Variants in MTA3 observed in about 807,000 individuals in gnomAD.
The protein encoded by MTA3 is metastasis-associated protein MTA3.
Under a neutral mutation model 83.5 loss-of-function variants are expected in MTA3, and 34 were observed. The observed-to-expected ratio is 0.41, with a 90% CI of 0.31 to 0.54. The LOEUF (loss-of-function observed/expected upper bound fraction) is 0.54. Among genes scored for constraint, MTA3 ranks in the 20% least tolerant of loss-of-function variants. The probability of loss-of-function intolerance (pLI) is 0.33; values close to 1 mark genes in which losing one functional copy is unlikely to be tolerated. For missense variants in MTA3, 761 were observed against 726.4 expected, an observed-to-expected ratio of 1.05 and a Z score of -0.55; for synonymous variants, 303 against 252.7, an observed-to-expected ratio of 1.20 and a Z score of -1.89.
At chr2:42,646,420 G>T (rs1399412302) in intron 6 of MTA3, among the ~76,000 whole-genome samples, 1 of 152,188 alleles carries the variant, frequency 6.6e-6, no homozygotes, top group African/African-American at 2.4e-5. Flanking sequence ...GATCTGAGTA[G>T]TCAATCGAAA....
At chr2:42,697,904 G>C in intron 11 of MTA3, 70 bp downstream of exon 11, 2 of 1,179,504 alleles carry the variant, frequency 1.7e-6, no homozygotes, top group Non-Finnish European at 1.2e-6. Context: ...ATGTCATTTT[G>C]TTCAGTTTCA....
At chr2:42,619,153 G>A (rs1685251903) in intron 4 of MTA3, among the ~76,000 whole-genome samples, 1 of 152,170 alleles carries the variant, frequency 6.6e-6, no homozygotes. Flanking sequence ...ACAGTTAAAG[G>A]CTGGGAAAAT....
chr2:42,736,514 C>G (rs1471493574), intron 16 of MTA3, among the ~76,000 whole-genome samples: 2 of 152,158 alleles, frequency 1.3e-5, no homozygotes, highest in Non-Finnish European at 2.9e-5. Context: ...ATCTTCCCTT[C>G]AGGGCAGTGA....
intron 2 of MTA3, among the ~76,000 whole-genome samples, chr2:42,554,915 C>G (rs1677304219): frequency 1.3e-5 from 2 of 152,258 alleles, no homozygotes; most frequent in East Asian, 1.9e-4. Flanking sequence ...GTTTGGGAGG[C>G]TGAGGCTTGA....
chr2:42,680,536 GA>G (rs1691783956), intron 8 of MTA3, among the ~76,000 whole-genome samples: 1 of 152,170 alleles, frequency 6.6e-6, no homozygotes, highest in Admixed American at 6.5e-5. Flanking sequence ...GAGGTGGGGA[GA>G]AAAACAGAAC....
At chr2:42,563,576 C>T (rs924499209) in intron 2 of MTA3, among the ~76,000 whole-genome samples, 2 of 152,118 alleles carry the variant, frequency 1.3e-5, no homozygotes, top group African/African-American at 4.8e-5. Context: ...ATGCCATTAT[C>T]CTGCCTCAGC....
chr2:42,630,107 C>G (rs556805533), intron 4 of MTA3, among the ~76,000 whole-genome samples: 1 of 152,250 alleles, frequency 6.6e-6, no homozygotes, highest in South Asian at 2.1e-4. Context: ...TAAATAAAAG[C>G]CTTATGATTC....
intron 2 of MTA3, among the ~76,000 whole-genome samples, chr2:42,524,283 A>G (rs921626163): frequency 7.2e-5 from 11 of 151,800 alleles, no homozygotes; most frequent in Non-Finnish European, 1.2e-4. Context: ...TTCAGCTTCA[A>G]TGGTTGCAAC....
intron 2 of MTA3, among the ~76,000 whole-genome samples, chr2:42,537,068 C>T (rs1286747989): frequency 6.6e-6 from 1 of 152,124 alleles, no homozygotes; most frequent in Non-Finnish European, 1.5e-5. Context: ...ACAGCCTTAA[C>T]CCTTAGTGTA....
intron 2 of MTA3, among the ~76,000 whole-genome samples, chr2:42,576,946 T>A (rs1034583658): frequency 1.3e-5 from 2 of 150,304 alleles, no homozygotes; most frequent in Non-Finnish European, 3.0e-5. Context: ...TGAAAATACT[T>A]ACTTTGTTCT....
At chr2:42,629,103 G>A (rs1037750463) in intron 4 of MTA3, among the ~76,000 whole-genome samples, 10 of 151,874 alleles carry the variant, frequency 6.6e-5, no homozygotes, top group African/African-American at 1.7e-4. Flanking sequence ...TTTTTGAGAC[G>A]GAGTCTTGCT....
At position 42,659,256 on chromosome 2, in the gene MTA3, G is replaced by A. The variant is rs190330152; in HGVS notation, c.603-507G>A. On this transcript the variant is annotated intron_variant, in intron 7 of 16. Coordinates refer to ENST00000405094, the MANE Select transcript of MTA3 (RefSeq NM_001330442.2). Reference sequence around the variant, plus strand: ...TCCAAATCATTAAAATCAGCATTATGGTAATTTCTTTTTAAATGAGATTTT... The same window carrying A: ...TCCAAATCATTAAAATCAGCATTATAGTAATTTCTTTTTAAATGAGATTTT... Among the ~76,000 whole-genome samples the A allele has an allele frequency of 8.5e-5, 13 of 152,148 alleles. No individual in the cohort carries two copies. In the South Asian group the frequency reaches 1.2e-3, roughly 15 times the overall value.
Position 42,754,043 on chromosome 2 carries a change from T to C in MTA3, c.*644T>C. ...CCTCCAAGGAACAGAATTACCGAGG[T>C]TCTGACAAAAGATAAGCCTGTAAAC... On this transcript the variant is annotated 3_prime_UTR_variant, in exon 17 of 17. Coordinates refer to ENST00000405094, the MANE Select transcript of MTA3 (RefSeq NM_001330442.2). The C allele has an allele frequency of 1.0e-6, 1 of 985,466 alleles. No homozygotes were observed. The highest frequency in any genetic ancestry group is 1.2e-6 in the Non-Finnish European group (1 of 829,984). The allele number at this position is 985,466 out of a possible 1,614,324, so 61.0% of individuals were successfully genotyped here. A position where few individuals can be genotyped will look rare whatever the true frequency, so the allele number is the denominator to read the frequency against.
intron 14 of MTA3, 69 bp downstream of exon 14, chr2:42,709,165 C>CTT (rs752763597): frequency 3.9e-6 from 5 of 1,274,328 alleles, no homozygotes; most frequent in Non-Finnish European, 4.2e-6. Context: ...CCTCTCTTTC[C>CTT]TTTTTTTTTT....
intron 2 of MTA3, among the ~76,000 whole-genome samples, chr2:42,526,195 C>T (rs1675701714): frequency 6.6e-6 from 1 of 151,998 alleles, no homozygotes; most frequent in African/African-American, 2.4e-5. Context: ...GGGTGGCTGC[C>T]TTCCCTTATA....
intron 2 of MTA3, among the ~76,000 whole-genome samples, chr2:42,547,809 T>C (rs944975527): frequency 1.3e-5 from 2 of 152,204 alleles, no homozygotes; most frequent in African/African-American, 4.8e-5. Flanking sequence ...TAAGGCCATA[T>C]TTAGTTCGCT....
intron 4 of MTA3, among the ~76,000 whole-genome samples, chr2:42,624,466 G>C (rs959524024): frequency 6.6e-6 from 1 of 151,970 alleles, no homozygotes; most frequent in Non-Finnish European, 1.5e-5. Context: ...GATTACAGGT[G>C]CCTGCCACCA....
chr2:42,555,483 G>A (rs1317903743), intron 2 of MTA3, among the ~76,000 whole-genome samples: 7 of 136,490 alleles, frequency 5.1e-5, no homozygotes, highest in African/African-American at 1.4e-4. Context: ...AAAAAGAGCC[G>A]GGCGCAGTGG....
At chr2:42,565,991 G>C (rs545707314), upstream of MTA3, among the ~76,000 whole-genome samples, 1 of 152,078 alleles carries the variant, frequency 6.6e-6, no homozygotes, top group African/African-American at 2.4e-5. Flanking sequence ...CCTGGGCAGC[G>C]AGAGCGAAAC....
Sources: gnomAD v4.1 joint callset for allele counts (sites outside exome capture counted in the v4.1 genomes callset) on GRCh38, gnomAD v4.1.1 for gene constraint, MANE v1.5 for transcripts, NCBI Gene and HGNC (gene_info 2026-07-23, HGNC 2026-07-21) for gene names.